TTLL7: variants seen among roughly 807,000 people sequenced by gnomAD.
TTLL7 encodes tubulin polyglutamylase TTLL7.
A neutral mutation model predicts 120.2 loss-of-function variants in TTLL7; 53 were observed. The ratio of observed to expected loss-of-function variants is 0.44; its 90% CI spans 0.35 to 0.55. The LOEUF (loss-of-function observed/expected upper bound fraction) is 0.55, where lower values mean the gene tolerates loss of function less well. TTLL7 is among the 20% of genes least tolerant of loss of function. The pLI, the probability that TTLL7 is intolerant of heterozygous loss-of-function variation, is 0.00. For missense variants in TTLL7, 803 were observed against 1,054.7 expected (o/e 0.76, Z 3.31); for synonymous variants, 353 against 351.7 (o/e 1.00, Z -0.04).
At position 83,937,201 on chromosome 1, in the gene TTLL7, G is replaced by A. The variant is rs535865378; in HGVS notation, c.888+651C>T. ...TACAATCGCCTACACTATTCAGTAC[G>A]GTAATTTTTTTTTTTTTTTGAGACC... On this transcript the variant is annotated intron_variant, in intron 8 of 20. Coordinates refer to ENST00000260505, the MANE Select transcript of TTLL7 (RefSeq NM_024686.6). Among the ~76,000 whole-genome samples, 19 of 132,358 alleles carry A rather than the reference G, an allele frequency of 1.4e-4. No homozygotes were observed. In the South Asian group the frequency reaches 3.8e-3, roughly 26 times the overall value. The allele number at this position is 132,358 out of a possible 152,430, so 86.8% of individuals were successfully genotyped here.
rs778693574 is a variant in TTLL7 at position 83,942,663 on chromosome 1, T to G, written c.523A>C (p.Asn175His). 1 of 1,611,916 alleles carries G rather than the reference T, an allele frequency of 6.2e-7. No homozygotes were observed. The highest frequency in any genetic ancestry group is 1.1e-5 in the South Asian group (1 of 90,850). Residue 175 changes from asparagine to histidine, a missense_variant, in exon 7 of 21, where the codon AAT becomes CAT. By Grantham distance (68) the Asn-to-His change is moderately conservative (BLOSUM62 1). Around this residue, in one of 3 missense-constraint regions of TTLL7, gnomAD observed 324 missense variants for 507.7 expected, o/e 0.64. Transcript: ENST00000260505. ...AMGHGISLIR[N>H]GDKLPSQDHL... ...TCCTGAGATGGAAGTTTGTCACCAT[T>G]TCTTATCAAAGAAATCCTATGTTTA... is the stretch of plus-strand genomic sequence containing the variant.
chr1:83,899,082 T>C (rs1484600596), intron 18 of TTLL7, among the ~76,000 whole-genome samples: 4 of 151,962 alleles, frequency 2.6e-5, no homozygotes, highest in African/African-American at 9.6e-5. Context: ...AAATGGAAAG[T>C]TTTATAAAAC....
At chr1:83,961,252 T>G (rs1649993635) in intron 1 of TTLL7, among the ~76,000 whole-genome samples, 1 of 152,074 alleles carries the variant, frequency 6.6e-6, no homozygotes, top group African/African-American at 2.4e-5. Flanking sequence ...ATAAAAAAAT[T>G]TCAACTGTGC....
intron 18 of TTLL7, among the ~76,000 whole-genome samples, chr1:83,902,819 G>A (rs1656835019): frequency 6.6e-6 from 1 of 151,816 alleles, no homozygotes; most frequent in African/African-American, 2.4e-5. Flanking sequence ...TCACTTGGAT[G>A]TCCAATCAAT....
rs1191767225 is a variant in TTLL7 at position 83,906,321 on chromosome 1, A to T, written c.2127+8T>A. On this transcript the variant is annotated splice_region_variant and intron_variant, in intron 17 of 20. Coordinates refer to ENST00000260505, the MANE Select transcript of TTLL7 (RefSeq NM_024686.6). ...CTCCTTGGCATTTTAGATACATCAC[A>T]TACTCACATCTTCTATCAGAAGTTC... The T allele has an allele frequency of 6.2e-7, 1 of 1,610,308 alleles. No individual in the cohort carries two copies. The highest frequency in any genetic ancestry group is 8.5e-7 in the Non-Finnish European group (1 of 1,177,796).
intron 1 of TTLL7, chr1:83,980,709 T>C (rs921067018): frequency 6.6e-6 from 1 of 152,016 alleles, no homozygotes; most frequent in Non-Finnish European, 1.5e-5. Context: ...ATAACAGAAT[T>C]GGGAAAAATA....
intron 14 of TTLL7, among the ~76,000 whole-genome samples, chr1:83,916,218 ATAG>A (rs1658147080): frequency 1.3e-5 from 2 of 152,206 alleles, no homozygotes; most frequent in Non-Finnish European, 2.9e-5. Flanking sequence ...ACTATTCACA[ATAG>A]CAAAGACTTG....
intron 1 of TTLL7, chr1:83,983,861 C>A (rs1007844803): frequency 6.6e-6 from 1 of 152,136 alleles, no homozygotes; most frequent in Non-Finnish European, 1.5e-5. Flanking sequence ...AAGGCCGACG[C>A]AGGAAGAGAG....
chr1:83,878,600 G>C lies in TTLL7; in HGVS notation c.2543+4363C>G, dbSNP rs535505573. On this transcript the variant is annotated intron_variant, in intron 20 of 20. Transcript: ENST00000260505. ...AGGTACTGGGTTAGCAAGTACTTTC[G>C]AGTAAATGTGATATTTTGTACAGCT... Among the ~76,000 whole-genome samples the C allele has an allele frequency of 2.6e-5, 4 of 151,962 alleles. No homozygotes were observed. The Admixed American group carries it at 2.6e-4, about 10-fold the overall frequency.
chr1:83,907,503 T>A lies in TTLL7; in HGVS notation c.1945A>T (p.Arg649Trp). 1 of 1,613,080 alleles carries A rather than the reference T, an allele frequency of 6.2e-7. No homozygotes were observed. The highest frequency in any genetic ancestry group is 8.5e-7 in the Non-Finnish European group (1 of 1,179,360). The change falls in exon 16 of 21, where the codon AGG (arginine) becomes TGG (tryptophan). Residue 649 changes from arginine (R) to tryptophan (W), a missense_variant. Arg to Trp is a moderately radical substitution (Grantham distance 101, BLOSUM62 -3). Coordinates refer to ENST00000260505, the MANE Select transcript of TTLL7 (RefSeq NM_024686.6). ...HSLNRASSYM[R>W]HLPHSNDACS... ...GCATCATTACTGTGAGGCAGATGCC[T>A]CATGTAGGAGGAAGCACGGTTTAAG...
intron 1 of TTLL7, among the ~76,000 whole-genome samples, chr1:83,953,047 T>C (rs1649201131): frequency 6.6e-6 from 1 of 152,156 alleles, no homozygotes; most frequent in African/African-American, 2.4e-5. Context: ...CATCTTGAAT[T>C]GTGCCTTAAA....
intron 18 of TTLL7, among the ~76,000 whole-genome samples, chr1:83,892,409 TATATGAACATATATATGAAC>T (rs1379735175): frequency 7.2e-6 from 1 of 139,480 alleles, no homozygotes; most frequent in Non-Finnish European, 1.6e-5. Context: ...TATGAACATA[TATATGAACATATATATGAAC>T]ATATATATGA....
At chr1:83,978,507 A>T (rs1327007898) in intron 1 of TTLL7, among the ~76,000 whole-genome samples, 1 of 152,212 alleles carries the variant, frequency 6.6e-6, no homozygotes, top group East Asian at 1.9e-4. Flanking sequence ...GAAAAGAATG[A>T]TCTTTGTCAA....
At chr1:83,887,851 A>C (rs1295199126) in intron 19 of TTLL7, among the ~76,000 whole-genome samples, 1 of 152,080 alleles carries the variant, frequency 6.6e-6, no homozygotes, top group African/African-American at 2.4e-5. Context: ...GACGGTAATA[A>C]TTTACTCAAA....
intron 12 of TTLL7, 87 bp downstream of exon 12, chr1:83,921,000 A>C (rs1453161455): frequency 7.2e-6 from 10 of 1,393,014 alleles, no homozygotes; most frequent in Non-Finnish European, 9.8e-6. Flanking sequence ...AAAAATGCTT[A>C]AAATAAGCAC....
intron 7 of TTLL7, 100 bp downstream of exon 7, chr1:83,942,363 G>A: frequency 1.0e-6 from 1 of 954,140 alleles, no homozygotes; most frequent in Non-Finnish European, 1.6e-6. Flanking sequence ...AACCTGAGAG[G>A]AGCAACTTTC....
intron 19 of TTLL7, among the ~76,000 whole-genome samples, chr1:83,886,207 A>G (rs141386477): frequency 6.6e-6 from 1 of 152,170 alleles, no homozygotes; most frequent in Non-Finnish European, 1.5e-5. Flanking sequence ...TTATCTAAAG[A>G]GTGAAACTGA....
chr1:83,909,302 A>G (rs1474740099), intron 15 of TTLL7, among the ~76,000 whole-genome samples: 6 of 120,610 alleles, frequency 5.0e-5, no homozygotes, highest in African/African-American at 1.9e-4. Flanking sequence ...TACACATGCT[A>G]GAAATTCAGA....
intron 20 of TTLL7, among the ~76,000 whole-genome samples, chr1:83,879,045 T>C (rs1251620027): frequency 1.3e-5 from 2 of 151,980 alleles, no homozygotes; most frequent in Non-Finnish European, 2.9e-5. Flanking sequence ...ATAAGTTATT[T>C]CTATCAGGTA....
Sources: gnomAD v4.1 joint callset for allele counts (sites outside exome capture counted in the v4.1 genomes callset) on GRCh38, gnomAD v4.1.1 for gene constraint, gnomAD v4.1.1 regional missense constraint, MANE v1.5 for transcripts, NCBI Gene and HGNC (gene_info 2026-07-23, HGNC 2026-07-21) for gene names.